SH3RF3: variants seen among roughly 807,000 people sequenced by gnomAD.
SH3RF3 encodes the protein SH3 domain containing ring finger 3.
In SH3RF3, 29 loss-of-function variants were observed where a neutral mutation model predicts 66.3. That is an observed-to-expected ratio of 0.44 (90% CI 0.33 to 0.60). The LOEUF is 0.60. SH3RF3 is among the 20% of genes least tolerant of loss of function. The pLI is 0.04. For synonymous variants in SH3RF3, 583 were observed against 532.0 expected (o/e 1.10, Z -1.32); for missense variants, 1,194 against 1,190.9 (o/e 1.00, Z -0.04).
Position 109,251,539 on chromosome 2 carries a change from C to T in SH3RF3, c.574-96135C>T, listed in dbSNP as rs563317156. ...GTGGTCATTTGGTCCCTTTATGAAT[C>T]TTGTGATAGATGAATGTGTGGAGAT... On this transcript the variant is annotated intron_variant, in intron 1 of 9. Coordinates refer to ENST00000309415, the MANE Select transcript of SH3RF3 (RefSeq NM_001099289.3). 3.9e-6 allele frequency: 3 copies of T among 762,484 alleles called. No individual in the cohort carries two copies. In the African/African-American group the frequency reaches 5.1e-5, roughly 13 times the overall value. 47.2% of individuals were successfully genotyped at this position (762,484 alleles called of 1,614,324 possible).
chr2:109,187,864 T>A (rs1407940739), intron 1 of SH3RF3, among the ~76,000 whole-genome samples: 1 of 152,196 alleles, frequency 6.6e-6, no homozygotes, highest in African/African-American at 2.4e-5. Context: ...ACGGACTGGG[T>A]GCTCTCTTCC....
chr2:109,200,057 C>G (rs986627542), intron 1 of SH3RF3, among the ~76,000 whole-genome samples: 2 of 152,192 alleles, frequency 1.3e-5, no homozygotes, highest in Admixed American at 1.3e-4. Context: ...AGAAATGTCA[C>G]CAGTGGCCAG....
chr2:109,132,500 G>A (rs1178084784), intron 1 of SH3RF3, among the ~76,000 whole-genome samples: 1 of 152,142 alleles, frequency 6.6e-6, no homozygotes, highest in African/African-American at 2.4e-5. Context: ...TCTCACCTGA[G>A]CCATTTGAGA....
At chr2:109,351,010 G>A (rs866724756) in intron 2 of SH3RF3, among the ~76,000 whole-genome samples, 17 of 152,366 alleles carry the variant, frequency 1.1e-4, no homozygotes, top group African/African-American at 3.8e-4. Flanking sequence ...TCCTGTTAAA[G>A]TGGCATTAAT....
At chr2:109,468,065 A>G (rs1678405216) in intron 8 of SH3RF3, among the ~76,000 whole-genome samples, 1 of 152,238 alleles carries the variant, frequency 6.6e-6, no homozygotes. Flanking sequence ...ACAACTCACT[A>G]ATCAAAACTA....
At chr2:109,338,042 T>G (rs1259279639) in intron 1 of SH3RF3, among the ~76,000 whole-genome samples, 1 of 152,116 alleles carries the variant, frequency 6.6e-6, no homozygotes, top group Non-Finnish European at 1.5e-5. Flanking sequence ...TCCTTCTGTT[T>G]TTGATGGAGC....
intron 1 of SH3RF3, among the ~76,000 whole-genome samples, chr2:109,281,315 C>G (rs555887499): frequency 2.8e-4 from 43 of 152,338 alleles, no homozygotes; most frequent in African/African-American, 1.0e-3. Flanking sequence ...CTTGCCTCTT[C>G]CTTCCCCGGG....
intron 1 of SH3RF3, among the ~76,000 whole-genome samples, chr2:109,237,381 A>G (rs1472786069): frequency 6.6e-6 from 1 of 152,214 alleles, no homozygotes; most frequent in Non-Finnish European, 1.5e-5. Context: ...TCAAAGTAAC[A>G]AAGAGTATAA....
At chr2:109,195,460 C>T (rs781353193) in intron 1 of SH3RF3, among the ~76,000 whole-genome samples, 12 of 152,162 alleles carry the variant, frequency 7.9e-5, no homozygotes, top group Admixed American at 1.3e-4. Context: ...CGAGTGTCCC[C>T]ACCCCTTCTT....
At chr2:109,151,999 C>T (rs1197962555) in intron 1 of SH3RF3, among the ~76,000 whole-genome samples, 1 of 152,192 alleles carries the variant, frequency 6.6e-6, no homozygotes. Flanking sequence ...ATTTTTCATA[C>T]CCAGCTGATT....
intron 1 of SH3RF3, among the ~76,000 whole-genome samples, chr2:109,200,288 C>T (rs2105065481): frequency 6.6e-6 from 1 of 152,312 alleles, no homozygotes; most frequent in South Asian, 2.1e-4. Flanking sequence ...CAGTGGGCGT[C>T]TGTTTGCTCA....
rs144809350 is a variant in SH3RF3, at chr2:109,351,765, A to C, written c.849+3816A>C. On this transcript the variant is annotated intron_variant, in intron 2 of 9. Coordinates refer to ENST00000309415, the MANE Select transcript of SH3RF3 (RefSeq NM_001099289.3). ...AATCCCTACCAGGTGTGCCATGTGA[A>C]GGAGCCACAGGGCTTGGTGGCTGCA... Among the ~76,000 whole-genome samples the C allele has an allele frequency of 3.1e-3, 479 of 152,378 alleles. 3 individuals are homozygous for C. Among genetic ancestry groups the C allele is most frequent in the South Asian group, 9.9e-3 (48 of 4,826 alleles).
intron 9 of SH3RF3, among the ~76,000 whole-genome samples, chr2:109,493,877 A>C (rs143607932): frequency 0.057 from 8,666 of 152,146 alleles, 340 homozygotes; most frequent in East Asian, 0.23. Flanking sequence ...CACACAACAC[A>C]CACCCACCTT....
intron 1 of SH3RF3, among the ~76,000 whole-genome samples, 166 bp from the exon 2 acceptor site, chr2:109,347,507 TC>T (rs1172028674): frequency 3.3e-5 from 5 of 152,094 alleles, no homozygotes; most frequent in African/African-American, 1.2e-4. Context: ...ATGTGCATGT[TC>T]CTGTGACAGG....
chr2:109,226,432 C>A (rs541192934), intron 1 of SH3RF3, among the ~76,000 whole-genome samples: 6 of 152,286 alleles, frequency 3.9e-5, no homozygotes, highest in Admixed American at 3.3e-4. Context: ...TAATGACACA[C>A]GTGGCCCATG....
intron 3 of SH3RF3, among the ~76,000 whole-genome samples, chr2:109,381,465 C>A (rs1675664084): frequency 6.6e-6 from 1 of 152,180 alleles, no homozygotes; most frequent in African/African-American, 2.4e-5. Flanking sequence ...AGAGTTCTCA[C>A]ACCTACCCTC....
chr2:109,474,235 G>A (rs773436535), intron 8 of SH3RF3, among the ~76,000 whole-genome samples: 4 of 152,144 alleles, frequency 2.6e-5, no homozygotes, highest in Non-Finnish European at 5.9e-5. Flanking sequence ...GTGGGTGTGG[G>A]CACATTTGTC....
intron 9 of SH3RF3, among the ~76,000 whole-genome samples, chr2:109,496,007 G>A (rs921771131): frequency 5.9e-5 from 9 of 152,170 alleles, no homozygotes; most frequent in South Asian, 2.1e-4. Flanking sequence ...ACAGACCTTC[G>A]CGGTGAAGAG....
chr2:109,340,587 T>C (rs1044533745), intron 1 of SH3RF3, among the ~76,000 whole-genome samples: 4 of 152,210 alleles, frequency 2.6e-5, no homozygotes, highest in Admixed American at 6.5e-5. Context: ...CTTCCTACAC[T>C]TAGAAGCATC....
Sources: allele counts gnomAD v4.1 joint callset (sites outside exome capture counted in the v4.1 genomes callset), GRCh38; gene constraint gnomAD v4.1.1; transcripts MANE v1.5; gene names NCBI Gene and HGNC (gene_info 2026-07-23, HGNC 2026-07-21).